Variants in DPP6 observed in about 807,000 individuals in gnomAD.
The protein encoded by DPP6 is dipeptidyl peptidase like 6.
In DPP6, 69 loss-of-function variants were observed where a neutral mutation model predicts 122.6. The observed-to-expected ratio is 0.56, with a 90% CI of 0.46 to 0.69. The LOEUF is 0.69. DPP6 is among the 30% of genes least tolerant of loss of function. The pLI is 0.00. For missense variants in DPP6, 928 were observed against 1,116.9 expected (o/e 0.83, Z 2.41); for synonymous variants, 418 against 433.1 (o/e 0.97, Z 0.43).
Position 154,698,445 on chromosome 7 carries a change from C to T in DPP6, c.762+29004C>T, listed in dbSNP as rs1235984161. On this transcript the variant is annotated intron_variant, in intron 7 of 25. Transcript: ENST00000377770. Reference sequence around the variant, plus strand: ...GCGAATTGTCGTCCGTATGCCTCATCATTCATCCTGATTCCATGCTCACCA... The same window carrying T: ...GCGAATTGTCGTCCGTATGCCTCATTATTCATCCTGATTCCATGCTCACCA... 1.3e-5 allele frequency among the ~76,000 whole-genome samples: 2 copies of T among 152,176 alleles called. 1 individual carries two copies. The highest frequency in any genetic ancestry group is 4.8e-5 in the African/African-American group (2 of 41,440).
At chr7:154,735,355 T>C (rs1295425870) in intron 8 of DPP6, among the ~76,000 whole-genome samples, 1 of 152,174 alleles carries the variant, frequency 6.6e-6, no homozygotes, top group Non-Finnish European at 1.5e-5. Context: ...AATTGAGTAC[T>C]TAAAAAAATT....
chr7:154,882,297 C>T (rs1315216099), intron 21 of DPP6, among the ~76,000 whole-genome samples: 1 of 152,230 alleles, frequency 6.6e-6, no homozygotes, highest in Non-Finnish European at 1.5e-5. Flanking sequence ...CACTCAGCTC[C>T]GCCGAGGACA....
At chr7:154,759,368 G>T (rs577393728) in intron 8 of DPP6, among the ~76,000 whole-genome samples, 1 of 152,308 alleles carries the variant, frequency 6.6e-6, no homozygotes, top group South Asian at 2.1e-4. Context: ...GAGCAGTGAG[G>T]CTTCTCAATC....
At chr7:154,804,997 C>T in intron 15 of DPP6, 33 bp downstream of exon 15, 1 of 1,579,388 alleles carries the variant, frequency 6.3e-7, no homozygotes, top group South Asian at 1.2e-5. Context: ...ACAGGGCTCT[C>T]CCCCTTAGGA....
chr7:153,927,291 C>T (rs766873919), intron 1 of DPP6, among the ~76,000 whole-genome samples: 9 of 151,838 alleles, frequency 5.9e-5, no homozygotes, highest in Non-Finnish European at 7.4e-5. Context: ...CTAGCCTGGG[C>T]GACAGAGCAA....
At chr7:154,220,398 T>C (rs917524787) in intron 1 of DPP6, among the ~76,000 whole-genome samples, 11 of 152,074 alleles carry the variant, frequency 7.2e-5, no homozygotes. Flanking sequence ...AAAGATACAA[T>C]AGACCCTGAG....
intron 3 of DPP6, among the ~76,000 whole-genome samples, chr7:154,523,103 G>A (rs921139363): frequency 1.3e-5 from 2 of 152,050 alleles, no homozygotes; most frequent in African/African-American, 4.8e-5. Context: ...CCTATTGTAC[G>A]TTTCTAGAAA....
chr7:154,795,792 A>AG (rs1798011011), intron 11 of DPP6, 53 bp from the exon 12 acceptor site: 4 of 1,378,058 alleles, frequency 2.9e-6, no homozygotes, highest in Non-Finnish European at 3.9e-6. Context: ...TGCAAAAAAA[A>AG]AAAAGAAAAG....
At chr7:154,690,437 G>A (rs971510606) in intron 7 of DPP6, among the ~76,000 whole-genome samples, 2 of 152,134 alleles carry the variant, frequency 1.3e-5, no homozygotes, top group African/African-American at 4.8e-5. Context: ...TTTGTAGAAA[G>A]CAGAACTTCA....
chr7:154,566,906 A>T lies in DPP6; in HGVS notation c.617A>T (p.Asn206Ile). Residue 206 changes from asparagine (N) to isoleucine (I), a missense_variant, in exon 5 of 26, where the codon AAT (asparagine) becomes ATT (isoleucine). By Grantham distance (149) the Asn-to-Ile change is moderately radical (BLOSUM62 -3). Coordinates refer to ENST00000377770, the MANE Select transcript of DPP6 (RefSeq NM_130797.4). ...PDREYALFSY[N>I]VEPIYQHSYT... ...AGAGAGTATGCACTTTTTTCATACA[A>T]TGTGGAACCCGTGAGTATTATCCTT... 6.2e-7 allele frequency: 1 copy of T among 1,605,746 alleles called. No individual in the cohort carries two copies. Among genetic ancestry groups the T allele is most frequent in the Non-Finnish European group, 8.5e-7 (1 of 1,173,518 alleles).
intron 8 of DPP6, among the ~76,000 whole-genome samples, chr7:154,742,860 G>A (rs1457943793): frequency 2.0e-5 from 3 of 152,086 alleles, no homozygotes. Context: ...GATCTCAAGA[G>A]CCTCTGGGAC....
chr7:154,159,240 G>A (rs1161484097), intron 1 of DPP6, among the ~76,000 whole-genome samples: 5 of 152,132 alleles, frequency 3.3e-5, no homozygotes, highest in South Asian at 2.1e-4. Flanking sequence ...TCTTCTTGGC[G>A]TTCATCCTCG....
intron 2 of DPP6, among the ~76,000 whole-genome samples, chr7:154,452,794 T>C (rs1345076249): frequency 2.0e-5 from 3 of 152,230 alleles, no homozygotes; most frequent in Non-Finnish European, 4.4e-5. Context: ...CAAGGCATCT[T>C]GTCCTGGAGT....
At chr7:153,920,561 CTCTTTT>C (rs1800587884) in intron 1 of DPP6, among the ~76,000 whole-genome samples, 1 of 62,458 alleles carries the variant, frequency 1.6e-5, no homozygotes, top group Non-Finnish European at 2.9e-5. Context: ...TTTTATCTCT[CTCTTTT>C]TTTTTTTTTT....
intron 1 of DPP6, among the ~76,000 whole-genome samples, chr7:154,039,392 A>G (rs1226545506): frequency 7.9e-6 from 1 of 126,848 alleles, no homozygotes; most frequent in African/African-American, 3.5e-5. Flanking sequence ...AGACAGGTGC[A>G]GAAGTGATCA....
intron 5 of DPP6, among the ~76,000 whole-genome samples, chr7:154,613,925 G>A (rs930589347): frequency 3.9e-5 from 6 of 152,168 alleles, no homozygotes; most frequent in Non-Finnish European, 8.8e-5. Context: ...CACGCCCTGC[G>A]CCAAGCCTCC....
rs185518322 is a variant in DPP6, at chr7:154,828,979, A to G, written c.1666+21867A>G. ...GTCTCGTACCTTTGTAAGTCATGCT[A>G]TCATCAATAATGCAGATAATTGTAT... On this transcript the variant is annotated intron_variant, in intron 16 of 25. Coordinates refer to ENST00000377770, the MANE Select transcript of DPP6 (RefSeq NM_130797.4). 1.4e-4 allele frequency among the ~76,000 whole-genome samples: 21 copies of G among 152,352 alleles called. No homozygotes were observed. The East Asian group carries it at 3.3e-3, about 24-fold the overall frequency.
intron 1 of DPP6, among the ~76,000 whole-genome samples, chr7:154,307,043 A>G (rs1033114454): frequency 1.3e-5 from 2 of 152,196 alleles, no homozygotes; most frequent in African/African-American, 4.8e-5. Flanking sequence ...ATCCCTGACC[A>G]TGGGAGAGAA....
rs559254883 is a variant in DPP6 at position 153,933,053 on chromosome 7, T to G, written c.51+45319T>G. Among the ~76,000 whole-genome samples the G allele has an allele frequency of 4.6e-5, 7 of 152,276 alleles. 1 individual carries two copies. In the South Asian group the frequency reaches 1.5e-3, roughly 32 times the overall value. On this transcript the variant is annotated intron_variant, in intron 1 of 25. Coordinates refer to the DPP6 transcript ENST00000404039. Reference sequence around the variant, plus strand: ...TGTAAGATGTATCTTTGCTCCTCCTTCACCTTCTGCCGTGATTTTGAGGCC... The same window carrying G: ...TGTAAGATGTATCTTTGCTCCTCCTGCACCTTCTGCCGTGATTTTGAGGCC...
Sources: gnomAD v4.1 joint callset for allele counts (sites outside exome capture counted in the v4.1 genomes callset) on GRCh38, gnomAD v4.1.1 for gene constraint, MANE v1.5 for transcripts, NCBI Gene and HGNC (gene_info 2026-07-23, HGNC 2026-07-21) for gene names.